ERC1: variants seen among roughly 807,000 people sequenced by gnomAD.
ERC1 encodes RAB6 interacting protein 2.
Under a neutral mutation model 132.0 loss-of-function variants are expected in ERC1, and 56 were observed. The ratio of observed to expected loss-of-function variants is 0.42; its 90% CI spans 0.34 to 0.53. ERC1 has a LOEUF of 0.53. Ranked by LOEUF, ERC1 falls within the 20% of genes least tolerant of loss-of-function variation. The probability of loss-of-function intolerance (pLI) is 0.03; values close to 1 mark genes in which losing one functional copy is unlikely to be tolerated. For synonymous variants in ERC1, 478 were observed against 476.1 expected, an observed-to-expected ratio of 1.00 and a Z score of -0.05; for missense variants, 1,202 against 1,349.9, an observed-to-expected ratio of 0.89 and a Z score of 1.72.
At chr12:1,323,565 T>A (rs186267572) in intron 15 of ERC1, among the ~76,000 whole-genome samples, 68 of 152,348 alleles carry the variant, frequency 4.5e-4, no homozygotes, top group Non-Finnish European at 9.3e-4. Context: ...ACTCAAATGC[T>A]ATGTTTGTAC....
At position 1,009,047 on chromosome 12, in the gene ERC1, T is replaced by TA. The variant is rs1279119720; in HGVS notation, c.-157+17732dup. Among the ~76,000 whole-genome samples the TA allele has an allele frequency of 6.6e-5, 10 of 151,266 alleles. No homozygotes were observed. The East Asian group carries it at 1.4e-3, about 20-fold the overall frequency. ...AGGAGCTGTGAGGAACATGGGGATT[T>TA]AAAAAAAGAAGTTTGTGACTTTGAG... On this transcript the variant is annotated intron_variant, in intron 1 of 18. Transcript: ENST00000360905.
At chr12:1,271,143 AAAAG>A (rs2077820658) in intron 14 of ERC1, among the ~76,000 whole-genome samples, 1 of 151,964 alleles carries the variant, frequency 6.6e-6, no homozygotes, top group African/African-American at 2.4e-5. Context: ...TGAGCAGAAA[AAAAG>A]AAGTATAAAA....
intron 15 of ERC1, among the ~76,000 whole-genome samples, chr12:1,294,455 C>T (rs1395099124): frequency 6.6e-6 from 1 of 152,176 alleles, no homozygotes; most frequent in Non-Finnish European, 1.5e-5. Context: ...GAAAGTCCCT[C>T]TTGTTTTCAG....
intron 3 of ERC1, among the ~76,000 whole-genome samples, chr12:1,091,898 G>T (rs1943268229): frequency 6.6e-6 from 1 of 152,096 alleles, no homozygotes. Context: ...GTATCAGGAA[G>T]CAGCACAAAG....
intron 12 of ERC1, among the ~76,000 whole-genome samples, chr12:1,212,649 G>A (rs1180515763): frequency 3.3e-5 from 5 of 152,136 alleles, no homozygotes; most frequent in African/African-American, 7.2e-5. Context: ...GTTTTATTGG[G>A]TGAAAAGGAA....
At chr12:1,121,268 A>G (rs1333366149) in intron 7 of ERC1, among the ~76,000 whole-genome samples, 3 of 152,206 alleles carry the variant, frequency 2.0e-5, no homozygotes, top group Admixed American at 2.0e-4. Context: ...CTGTGCAGAG[A>G]GAATATAGTG....
At chr12:1,062,364 T>C (rs1041299066) in intron 2 of ERC1, among the ~76,000 whole-genome samples, 2 of 152,152 alleles carry the variant, frequency 1.3e-5, no homozygotes, top group African/African-American at 4.8e-5. Flanking sequence ...TCAAGCCATC[T>C]GCGTGCCTCA....
intron 15 of ERC1, among the ~76,000 whole-genome samples, chr12:1,299,597 A>C (rs1566524043): frequency 6.6e-6 from 1 of 152,232 alleles, no homozygotes; most frequent in Non-Finnish European, 1.5e-5. Context: ...CCAGAAAAAG[A>C]AGCAGAGTAA....
At chr12:1,296,876 C>T (rs2079994650) in intron 15 of ERC1, among the ~76,000 whole-genome samples, 1 of 152,078 alleles carries the variant, frequency 6.6e-6, no homozygotes, top group African/African-American at 2.4e-5. Flanking sequence ...ACATGTGGAA[C>T]ACTAGAAGGA....
chr12:1,009,401 C>T (rs1215387674), intron 1 of ERC1, among the ~76,000 whole-genome samples: 1 of 152,054 alleles, frequency 6.6e-6, no homozygotes, highest in Non-Finnish European at 1.5e-5. Context: ...GTCTTGATCT[C>T]CTGACCTCGT....
At position 1,479,195 on chromosome 12, in the gene ERC1, T is replaced by G. The variant is rs149799170; in HGVS notation, c.3214-10898T>G. Among the ~76,000 whole-genome samples the G allele has an allele frequency of 1.8e-4, 28 of 152,296 alleles. No homozygotes were observed. In the East Asian group the frequency reaches 4.6e-3, roughly 25 times the overall value. On this transcript the variant is annotated intron_variant, in intron 18 of 18. Transcript: ENST00000360905. The stretch of plus-strand genomic sequence containing the variant: ...TGTGTGCATTGCTGCCGCCTTGCAG[T>G]GACAGCCTTCTTCCAGAGAGGAGCA...
intron 3 of ERC1, among the ~76,000 whole-genome samples, chr12:1,102,231 A>G (rs1269241437): frequency 6.6e-6 from 1 of 151,984 alleles, no homozygotes; most frequent in African/African-American, 2.4e-5. Context: ...GCTATTTTAG[A>G]TCGTATGGTT....
chr12:1,432,347 A>C (rs763265926), intron 17 of ERC1, among the ~76,000 whole-genome samples: 2 of 152,194 alleles, frequency 1.3e-5, no homozygotes, highest in Non-Finnish European at 2.9e-5. Context: ...GGCGGAGCTG[A>C]ATTTGGTTCA....
chr12:1,113,851 T>G (rs1946152331), intron 6 of ERC1, among the ~76,000 whole-genome samples: 1 of 152,200 alleles, frequency 6.6e-6, no homozygotes, highest in Non-Finnish European at 1.5e-5. Context: ...GGAAACTGAT[T>G]AGGAAAGTAA....
chr12:1,293,705 A>G (rs2079676272), intron 15 of ERC1, among the ~76,000 whole-genome samples: 1 of 152,224 alleles, frequency 6.6e-6, no homozygotes, highest in African/African-American at 2.4e-5. Context: ...TGGTGTTCCA[A>G]ATTAACCACA....
chr12:1,448,998 G>A lies in ERC1; in HGVS notation c.3213+4248G>A, dbSNP rs184730270. ...CTGAGAGCCCACCTCTTGCATCAGC[G>A]TGACCTGGATGTGAGACGTGGAGTT... On this transcript the variant is annotated intron_variant, in intron 18 of 18. Coordinates refer to ENST00000360905, the MANE Select transcript of ERC1 (RefSeq NM_178040.4). Among the ~76,000 whole-genome samples, 80 of 152,358 alleles carry A rather than the reference G, an allele frequency of 5.3e-4. 2 individuals carry two copies. Among genetic ancestry groups the A allele is most frequent in the East Asian group, 4.2e-3 (22 of 5,188 alleles).
rs547742987 is a variant in ERC1 at position 1,441,608 on chromosome 12, T to C, written c.3025-2954T>C. On this transcript the variant is annotated intron_variant, in intron 17 of 18. Transcript: ENST00000360905. The stretch of plus-strand genomic sequence containing the variant: ...CAGCCTTTGCAGCCCAGATGTGGCA[T>C]TTGTGATGGCAGCTCTATACCCACA... Among the ~76,000 whole-genome samples the C allele has an allele frequency of 4.6e-5, 7 of 152,314 alleles. No individual in the cohort carries two copies. In the East Asian group the frequency reaches 1.2e-3, roughly 25 times the overall value.
At chr12:1,172,345 G>T (rs1313033431) in intron 8 of ERC1, among the ~76,000 whole-genome samples, 1 of 152,112 alleles carries the variant, frequency 6.6e-6, no homozygotes, top group Non-Finnish European at 1.5e-5. Context: ...GCATGCATTT[G>T]TAGTCTCAGC....
At chr12:1,405,146 TATAAATAAATAAATAA>T (rs60222703) in intron 16 of ERC1, among the ~76,000 whole-genome samples, 5,124 of 142,190 alleles carry the variant, frequency 0.036, 131 homozygotes, top group Middle Eastern at 0.07. Context: ...GCTCAAAAAA[TATAAATAAATAAATAA>T]ATAAATAAAT....
Sources: gnomAD v4.1 joint callset for allele counts (sites outside exome capture counted in the v4.1 genomes callset) on GRCh38, gnomAD v4.1.1 for gene constraint, MANE v1.5 for transcripts, NCBI Gene and HGNC (gene_info 2026-07-23, HGNC 2026-07-21) for gene names.